Variants in CDKL1 observed in about 807,000 individuals in gnomAD.
CDKL1 encodes the protein cyclin dependent kinase like 1.
CDKL1 carries 41 observed loss-of-function variants against 42.0 expected under a neutral mutation model. That is an observed-to-expected ratio of 0.98 (90% CI 0.76 to 1.27). CDKL1 has a LOEUF of 1.27. CDKL1 is among the 50% of genes most tolerant of loss of function. The pLI, the probability that CDKL1 is intolerant of heterozygous loss-of-function variation, is 0.00. For synonymous variants in CDKL1, 153 were observed against 158.6 expected (o/e 0.96, Z 0.26); for missense variants, 394 against 428.4 (o/e 0.92, Z 0.71).
At chr14:50,362,201 G>T (rs748806029) in intron 2 of CDKL1, 4 of 247,166 alleles carry the variant, frequency 1.6e-5, no homozygotes, top group Non-Finnish European at 3.1e-5. Flanking sequence ...GCTCCTGCGC[G>T]GCCGAGCCTC....
chr14:50,328,868 T>A lies in CDKL1; in HGVS notation c.*1206A>T, dbSNP rs1470857425. The A allele has an allele frequency of 6.6e-6, 1 of 151,490 alleles. No homozygotes were observed. The highest frequency in any genetic ancestry group is 2.4e-5 in the African/African-American group (1 of 41,188). 9.4% of individuals were successfully genotyped at this position (151,490 alleles called of 1,614,324 possible). A position where few individuals can be genotyped will look rare whatever the true frequency, so the allele number is the denominator to read the frequency against. ...ATTAGCCAGTATAGTGGCACATGCC[T>A]GCAGTCCCAGCTACTTGGGAGGCTG... On this transcript the variant is annotated 3_prime_UTR_variant, in exon 10 of 10. Transcript: ENST00000395834.
At chr14:50,330,357 T>G (rs912632628) in intron 9 of CDKL1, 176 bp from the exon 10 acceptor site, 67 of 685,272 alleles carry the variant, frequency 9.8e-5, no homozygotes, top group Non-Finnish European at 1.4e-4. Context: ...CTTTTCCTTT[T>G]AAATGTTTAT....
chr14:50,353,562 T>A (rs1169202480), intron 3 of CDKL1, among the ~76,000 whole-genome samples: 1 of 152,050 alleles, frequency 6.6e-6, no homozygotes, highest in African/African-American at 2.4e-5. Context: ...ACGAAAATGG[T>A]TTTTCACTGT....
At chr14:50,379,970 T>C (rs2034855478) in intron 2 of CDKL1, 1 of 382,328 alleles carries the variant, frequency 2.6e-6, no homozygotes, top group African/African-American at 2.1e-5. Context: ...GGACCCCAAA[T>C]GCTACCATGG....
At chr14:50,363,815 A>G (rs2034358637) in intron 2 of CDKL1, 1 of 152,270 alleles carries the variant, frequency 6.6e-6, no homozygotes. Context: ...GACAAGGCCC[A>G]AAGGTCCTCT....
chr14:50,395,657 A>T, intron 2 of CDKL1, 44 bp downstream of exon 2: 1 of 1,367,458 alleles, frequency 7.3e-7, no homozygotes, highest in Non-Finnish European at 1.0e-6. Flanking sequence ...ACAGAGTGAA[A>T]CCCTGTCTCG....
At chr14:50,330,525 C>T (rs756812572) in intron 9 of CDKL1, 6 of 227,840 alleles carry the variant, frequency 2.6e-5, no homozygotes, top group East Asian at 1.6e-4. Context: ...TGTCTTATAG[C>T]GGAGAAAACT....
rs564970634 is a variant in CDKL1, at chr14:50,339,697, TAATGA to T, written c.656-673_656-669del. Among the ~76,000 whole-genome samples the T allele has an allele frequency of 1.8e-3, 278 of 152,294 alleles. 1 individual carries two copies. The highest frequency in any genetic ancestry group is 3.5e-3 in the South Asian group (17 of 4,822). ...GTTTAGAAGCACTTACAATGTGACA[TAATGA>T]AACAAGAAGAGTATTTCTATATTTT... is the stretch of plus-strand genomic sequence containing the variant. On this transcript the variant is annotated intron_variant, in intron 6 of 9. Coordinates refer to ENST00000395834, the MANE Select transcript of CDKL1 (RefSeq NM_004196.7).
intron 2 of CDKL1, chr14:50,362,994 A>C: frequency 2.2e-6 from 1 of 462,756 alleles, no homozygotes; most frequent in Non-Finnish European, 4.5e-6. Context: ...CTTATGGCAA[A>C]GGGCTGCAGC....
intron 2 of CDKL1, among the ~76,000 whole-genome samples, chr14:50,382,812 T>G (rs2034955690): frequency 6.6e-6 from 1 of 152,132 alleles, no homozygotes; most frequent in African/African-American, 2.4e-5. Flanking sequence ...AGGCTGGTCT[T>G]GAACTCCTGA....
intron 9 of CDKL1, chr14:50,330,846 GTACTTT>G (rs1234388015): frequency 6.6e-6 from 1 of 152,222 alleles, no homozygotes; most frequent in African/African-American, 2.4e-5. Context: ...GAACTGTTTA[GTACTTT>G]TACTTTCTAG....
chr14:50,329,858 C>T lies in CDKL1; in HGVS notation c.*216G>A. 1.9e-6 allele frequency: 1 copy of T among 530,620 alleles called. No homozygotes were observed. The highest frequency in any genetic ancestry group is 3.2e-6 in the Non-Finnish European group (1 of 311,886). 32.9% of individuals were successfully genotyped at this position (530,620 alleles called of 1,614,324 possible). ...ATAAACTGAAATACAAGTGCAACTC[C>T]AAACAGGTTTTTTCTTTTCTGGACA... On this transcript the variant is annotated 3_prime_UTR_variant, in exon 10 of 10. Coordinates refer to ENST00000395834, the MANE Select transcript of CDKL1 (RefSeq NM_004196.7).
At position 50,341,138 on chromosome 14, in the gene CDKL1, C is replaced by A; in HGVS notation, c.549G>T (p.Val183=). Residue 183 remains valine, a synonymous_variant, in exon 6 of 10, where the codon GTG becomes GTT. Transcript: ENST00000395834. ...AGACACAGCCAATTGCCCAAACATCCACCGGGGGGCCGTACTGCGTGTCCC... is the reference window on the plus strand; with the variant it reads ...AGACACAGCCAATTGCCCAAACATCAACCGGGGGGCCGTACTGCGTGTCCC... ...LVGDTQYGPP[V]DVWAIGCVFA... The A allele has an allele frequency of 6.2e-7, 1 of 1,614,180 alleles. No individual in the cohort carries two copies. The highest frequency in any genetic ancestry group is 1.7e-5 in the Admixed American group (1 of 60,030).
chr14:50,371,568 C>CT (rs34038772), intron 2 of CDKL1, among the ~76,000 whole-genome samples: 1 of 152,156 alleles, frequency 6.6e-6, no homozygotes, highest in Non-Finnish European at 1.5e-5. Context: ...TTTTTTCCCC[C>CT]TTTTTTAGAG....
In CDKL1 at chr14:50,356,742, A is replaced by T. The variant is rs1042883636; in HGVS notation, c.290+2286T>A. Among the ~76,000 whole-genome samples, 4 of 152,318 alleles carry T rather than the reference A, an allele frequency of 2.6e-5. 1 individual carries two copies. The South Asian group carries it at 8.3e-4, about 32-fold the overall frequency. ...TTAAGATTTCCTTAATAAATCTTAT[A>T]TTTGGCAAATCATAGCATTTTACCA... On this transcript the variant is annotated intron_variant, in intron 3 of 9. Transcript: ENST00000395834.
At chr14:50,358,797 G>GC (rs1225408430) in intron 3 of CDKL1, among the ~76,000 whole-genome samples, 2 of 151,636 alleles carry the variant, frequency 1.3e-5, no homozygotes, top group Non-Finnish European at 2.9e-5. Flanking sequence ...CCGCCACCAC[G>GC]CCCAGCTAAT....
rs372872389 is a variant in CDKL1, at chr14:50,390,132, C to A, written c.168+5569G>T. On this transcript the variant is annotated intron_variant, in intron 2 of 9. Coordinates refer to ENST00000395834, the MANE Select transcript of CDKL1 (RefSeq NM_004196.7). ...TTACTAGGTCCCTTGCCCCTACCTGCCACATAGCAGTAGATGATTCCTTCT... is the reference window on the plus strand; with the variant it reads ...TTACTAGGTCCCTTGCCCCTACCTGACACATAGCAGTAGATGATTCCTTCT... 1.4e-3 allele frequency: 1,851 copies of A among 1,364,932 alleles called. 2 individuals carry two copies. The highest frequency in any genetic ancestry group is 1.6e-3 in the Non-Finnish European group (1,668 of 1,020,338). 84.6% of individuals were successfully genotyped at this position (1,364,932 alleles called of 1,614,324 possible).
Position 50,329,066 on chromosome 14 carries a change from T to TACAC in CDKL1, c.*1004_*1007dup, listed in dbSNP as rs2032813758. 1 of 144,836 alleles carries TACAC rather than the reference T, an allele frequency of 6.9e-6. No homozygotes were observed. The highest frequency in any genetic ancestry group is 2.5e-5 in the African/African-American group (1 of 39,284). 9.0% of individuals were successfully genotyped at this position (144,836 alleles called of 1,614,324 possible). On this transcript the variant is annotated 3_prime_UTR_variant, in exon 10 of 10. Transcript: ENST00000395834. ...ATATATATATATATATATATATACA[T>TACAC]ACACATACATACACATACAAACATA... is the stretch of plus-strand genomic sequence containing the variant.
At chr14:50,342,766 C>T in intron 4 of CDKL1, 1 of 708,364 alleles carries the variant, frequency 1.4e-6, no homozygotes, top group Non-Finnish European at 1.9e-6. Context: ...ACACAGTCAG[C>T]CTCGTAAACA....
Sources: allele counts gnomAD v4.1 joint callset (sites outside exome capture counted in the v4.1 genomes callset), GRCh38; gene constraint gnomAD v4.1.1; transcripts MANE v1.5; gene names NCBI Gene and HGNC (gene_info 2026-07-23, HGNC 2026-07-21).